CLPX: variants seen among roughly 807,000 people sequenced by gnomAD.
CLPX encodes ATP-dependent clpX-like chaperone, mitochondrial.
Under a neutral mutation model 76.4 loss-of-function variants are expected in CLPX, and 34 were observed. The observed-to-expected ratio is 0.45, with a 90% CI of 0.34 to 0.59. The LOEUF (loss-of-function observed/expected upper bound fraction) is 0.59, where lower values mean the gene tolerates loss of function less well. Among genes scored for constraint, CLPX ranks in the 20% least tolerant of loss-of-function variants. The pLI, the probability that CLPX is intolerant of heterozygous loss-of-function variation, is 0.01. For missense variants in CLPX, 613 were observed against 757.0 expected (o/e 0.81, Z 2.23); for synonymous variants, 248 against 270.9 (o/e 0.92, Z 0.83).
intron 11 of CLPX, among the ~76,000 whole-genome samples, chr15:65,153,843 G>A (rs140357191): frequency 1.1e-3 from 169 of 152,136 alleles, no homozygotes; most frequent in East Asian, 0.01. Context: ...AGATTAACAC[G>A]GACTCCCTAG....
intron 3 of CLPX, among the ~76,000 whole-genome samples, chr15:65,169,771 T>G (rs1296481998): frequency 6.6e-6 from 1 of 152,020 alleles, no homozygotes; most frequent in South Asian, 2.1e-4. Context: ...TTTTTTTTTT[T>G]TGAGACAGAG....
In CLPX at chr15:65,164,623, CTT is replaced by C. The variant is rs2087888210; in HGVS notation, c.514-437_514-436del. On this transcript the variant is annotated intron_variant, in intron 4 of 13. Transcript: ENST00000300107. ...ACAAAGATAACATTATAAAACTACT[CTT>C]TTCAGAAACAGGCATTACATAATCA... 3.9e-5 allele frequency among the ~76,000 whole-genome samples: 6 copies of C among 152,092 alleles called. No homozygotes were observed. In the South Asian group the frequency reaches 1.2e-3, roughly 32 times the overall value.
intron 9 of CLPX, 54 bp from the exon 10 acceptor site, chr15:65,155,910 A>G (rs571802579): frequency 2.6e-5 from 38 of 1,457,864 alleles, no homozygotes; most frequent in Non-Finnish European, 3.2e-5. Context: ...ATTATTTATT[A>G]TACTTTAGAC....
Position 65,148,536 on chromosome 15 carries a change from A to G in CLPX, c.*2287T>C, listed in dbSNP as rs1170268300. ...GACCAAGGAGAGGTGTTTCTGTTCC[A>G]TACTATAGCAACCAGCCTTAACACT... On this transcript the variant is annotated 3_prime_UTR_variant, in exon 14 of 14. Coordinates refer to ENST00000300107, the MANE Select transcript of CLPX (RefSeq NM_006660.5). 1 of 152,232 alleles carries G rather than the reference A, an allele frequency of 6.6e-6. No individual in the cohort carries two copies. Among genetic ancestry groups the G allele is most frequent in the Non-Finnish European group, 1.5e-5 (1 of 68,032 alleles). 9.4% of individuals were successfully genotyped at this position (152,232 alleles called of 1,614,324 possible). A position where few individuals can be genotyped will look rare whatever the true frequency, so the allele number is the denominator to read the frequency against.
chr15:65,166,072 A>G (rs1462560288), intron 4 of CLPX, among the ~76,000 whole-genome samples: 3 of 152,334 alleles, frequency 2.0e-5, no homozygotes, highest in African/African-American at 7.2e-5. Context: ...ATTCTGTTAC[A>G]TCTCACAGGA....
intron 10 of CLPX, among the ~76,000 whole-genome samples, chr15:65,155,349 A>C (rs1486655527): frequency 2.0e-5 from 3 of 152,142 alleles, no homozygotes; most frequent in African/African-American, 7.2e-5. Context: ...TCCTGGGTTC[A>C]AGGGATTCTC....
chr15:65,156,312 C>G (rs540676181), intron 9 of CLPX, among the ~76,000 whole-genome samples: 3 of 152,146 alleles, frequency 2.0e-5, no homozygotes, highest in Non-Finnish European at 4.4e-5. Flanking sequence ...ATTTCCAGCA[C>G]GTAAGTGTGA....
At chr15:65,171,772 A>C (rs1037136540) in intron 3 of CLPX, among the ~76,000 whole-genome samples, 1 of 152,230 alleles carries the variant, frequency 6.6e-6, no homozygotes, top group Non-Finnish European at 1.5e-5. Context: ...CAAGTACAAA[A>C]TATTTCTCTA....
At chr15:65,176,664 C>T (rs1377866801) in intron 3 of CLPX, among the ~76,000 whole-genome samples, 4 of 143,138 alleles carry the variant, frequency 2.8e-5, no homozygotes, top group South Asian at 2.2e-4. Context: ...GGTGTGATCT[C>T]GGCTCACTGC....
At chr15:65,169,664 C>T (rs1004727076) in intron 3 of CLPX, among the ~76,000 whole-genome samples, 2 of 151,842 alleles carry the variant, frequency 1.3e-5, no homozygotes, top group East Asian at 1.9e-4. Context: ...TGCAGTGAGC[C>T]GAGATGGTGC....
At position 65,177,012 on chromosome 15, in the gene CLPX, T is replaced by C. The variant is rs149757946; in HGVS notation, c.358+1922A>G. ...CTTATAAATTGAACAATTTTCAGCC[T>C]CTGTATAATTTTATTATATCACATC... On this transcript the variant is annotated intron_variant, in intron 3 of 13. Transcript: ENST00000300107. Among the ~76,000 whole-genome samples the C allele has an allele frequency of 2.2e-3, 338 of 152,320 alleles. 1 individual carries two copies. The highest frequency in any genetic ancestry group is 7.9e-3 in the African/African-American group (329 of 41,580).
intron 3 of CLPX, among the ~76,000 whole-genome samples, chr15:65,169,381 C>T (rs1350232023): frequency 6.6e-5 from 10 of 152,262 alleles, no homozygotes; most frequent in Non-Finnish European, 1.5e-4. Flanking sequence ...GGATTACAGG[C>T]GTGACCCACT....
intron 1 of CLPX, among the ~76,000 whole-genome samples, chr15:65,181,437 T>C (rs1334912587): frequency 2.0e-5 from 3 of 152,108 alleles, no homozygotes; most frequent in Admixed American, 1.3e-4. Flanking sequence ...TTGTAAATTT[T>C]ATATGTATCT....
chr15:65,169,744 T>C (rs1389797250), intron 3 of CLPX, among the ~76,000 whole-genome samples: 1 of 151,804 alleles, frequency 6.6e-6, no homozygotes, highest in East Asian at 1.9e-4. Flanking sequence ...GATGTAGATA[T>C]ATGGATATAT....
At position 65,166,617 on chromosome 15, in the gene CLPX, C is replaced by CTTAA. The variant is rs759346824; in HGVS notation, c.513+10_513+13dup. 1.3e-4 allele frequency: 213 copies of CTTAA among 1,612,934 alleles called. No homozygotes were observed. The highest frequency in any genetic ancestry group is 8.2e-4 in the Middle Eastern group (5 of 6,082). The stretch of plus-strand genomic sequence containing the variant: ...AAGATAAAATACTTGTAAGACTGAG[C>CTTAA]TTAAGACTTATACCTTCTTAGGGGG... On this transcript the variant is annotated intron_variant, in intron 4 of 13. Transcript: ENST00000300107.
In CLPX at chr15:65,153,581, C is replaced by T. The variant is rs769874820; in HGVS notation, c.1670G>A (p.Arg557Gln). The T allele has an allele frequency of 5.6e-6, 9 of 1,600,168 alleles. No individual in the cohort carries two copies. Among genetic ancestry groups the T allele is most frequent in the Middle Eastern group, 1.7e-4 (1 of 6,032 alleles). ...LKAIARLALE[R>Q]KTGARGLRSI... The stretch of plus-strand genomic sequence containing the variant: ...CCGAAGGCCTCGTGCACCTGTTTTT[C>T]GTTCTAGTGCCAATCTGGCTATAGC... Residue 557 changes from arginine (R) to glutamine (Q), a missense_variant, in exon 12 of 14, where the codon CGA (arginine) becomes CAA (glutamine). This residue lies in a region of CLPX where 450 missense variants were observed against 638.6 expected (regional missense o/e 0.70). Coordinates refer to ENST00000300107, the MANE Select transcript of CLPX (RefSeq NM_006660.5).
rs2087916852 is a variant in CLPX, at chr15:65,166,618, T to C, written c.513+13A>G. ...AGATAAAATACTTGTAAGACTGAGC[T>C]TAAGACTTATACCTTCTTAGGGGGA... is the stretch of plus-strand genomic sequence containing the variant. On this transcript the variant is annotated intron_variant, in intron 4 of 13. Transcript: ENST00000300107. The C allele has an allele frequency of 1.2e-6, 2 of 1,613,170 alleles. No individual in the cohort carries two copies. Among genetic ancestry groups the C allele is most frequent in the Non-Finnish European group, 1.7e-6 (2 of 1,179,604 alleles).
At position 65,150,226 on chromosome 15, in the gene CLPX, A is replaced by C. The variant is rs971144047; in HGVS notation, c.*597T>G. ...AGGCACCTGCCACGGCACCCAGCTA[A>C]TTTTTCATATTTTTAGTAGAGATGG... On this transcript the variant is annotated 3_prime_UTR_variant, in exon 14 of 14. Coordinates refer to ENST00000300107, the MANE Select transcript of CLPX (RefSeq NM_006660.5). The C allele has an allele frequency of 2.6e-5, 4 of 152,138 alleles. No individual in the cohort carries two copies. Among genetic ancestry groups the C allele is most frequent in the African/African-American group, 9.7e-5 (4 of 41,404 alleles). 9.4% of individuals were successfully genotyped at this position (152,138 alleles called of 1,614,324 possible). A position where few individuals can be genotyped will look rare whatever the true frequency, so the allele number is the denominator to read the frequency against.
intron 4 of CLPX, among the ~76,000 whole-genome samples, chr15:65,166,055 G>A (rs1168421880): frequency 6.6e-6 from 1 of 152,156 alleles, no homozygotes; most frequent in Admixed American, 6.5e-5. Context: ...AATGGAGCTG[G>A]TGGTACATTC....
Sources: gnomAD v4.1 joint callset for allele counts (sites outside exome capture counted in the v4.1 genomes callset) on GRCh38, gnomAD v4.1.1 for gene constraint, gnomAD v4.1.1 regional missense constraint, MANE v1.5 for transcripts, NCBI Gene and HGNC (gene_info 2026-07-23, HGNC 2026-07-21) for gene names.